The following PCDH9 variants were observed in gnomAD, a reference collection of about 807,000 sequenced individuals.
PCDH9 encodes the protein protocadherin 9.
In PCDH9, 24 loss-of-function variants were observed where a neutral mutation model predicts 70.6. The ratio of observed to expected loss-of-function variants is 0.34; its 90% CI spans 0.25 to 0.48. The LOEUF (loss-of-function observed/expected upper bound fraction) is 0.48. PCDH9 is among the 20% of genes least tolerant of loss of function. The pLI is 0.99. For missense variants in PCDH9, 1,281 were observed against 1,503.6 expected (o/e 0.85, Z 2.45); for synonymous variants, 562 against 558.5 (o/e 1.01, Z -0.09).
chr13:66,897,179 G>A (rs1396754034), intron 3 of PCDH9, among the ~76,000 whole-genome samples: 2 of 151,354 alleles, frequency 1.3e-5, no homozygotes, highest in Admixed American at 6.6e-5. Flanking sequence ...GTTGCCTCTG[G>A]TATACTTGCT....
intron 2 of PCDH9, among the ~76,000 whole-genome samples, chr13:67,034,275 G>T (rs155016): frequency 0.41 from 61,719 of 151,988 alleles, 12,920 homozygotes; most frequent in East Asian, 0.64. Context: ...GAGCCACCGT[G>T]CCCAGCCAGG....
At chr13:67,097,524 A>C (rs937342759) in intron 2 of PCDH9, among the ~76,000 whole-genome samples, 3 of 152,176 alleles carry the variant, frequency 2.0e-5, no homozygotes, top group African/African-American at 7.2e-5. Context: ...TTACCATTAG[A>C]AACAAGGGAC....
At chr13:66,617,296 C>T (rs780464787) in intron 4 of PCDH9, among the ~76,000 whole-genome samples, 5 of 152,104 alleles carry the variant, frequency 3.3e-5, no homozygotes, top group Admixed American at 1.3e-4. Flanking sequence ...TCACATACCC[C>T]GGTATCTGGT....
intron 2 of PCDH9, among the ~76,000 whole-genome samples, chr13:67,072,626 T>A (rs895974074): frequency 2.6e-5 from 4 of 152,118 alleles, no homozygotes; most frequent in African/African-American, 9.7e-5. Flanking sequence ...TTCCTACACT[T>A]AATCTATATG....
intron 3 of PCDH9, among the ~76,000 whole-genome samples, chr13:66,758,747 A>C (rs1375064746): frequency 2.0e-5 from 3 of 152,076 alleles, no homozygotes; most frequent in Non-Finnish European, 4.4e-5. Flanking sequence ...ATGCCGTCAA[A>C]TTCTGAGCTT....
chr13:66,313,868 T>C (rs1303703984), intron 4 of PCDH9, among the ~76,000 whole-genome samples: 1 of 152,172 alleles, frequency 6.6e-6, no homozygotes, highest in Non-Finnish European at 1.5e-5. Context: ...CTTTGCTAAA[T>C]TAATAAGGAT....
intron 2 of PCDH9, among the ~76,000 whole-genome samples, chr13:67,047,983 T>A (rs113207402): frequency 8.7e-4 from 133 of 152,314 alleles, no homozygotes; most frequent in Non-Finnish European, 1.0e-3. Context: ...AAGAAAAGGC[T>A]GTTTCTGATA....
intron 3 of PCDH9, among the ~76,000 whole-genome samples, chr13:66,822,147 C>T (rs2080723103): frequency 6.6e-6 from 1 of 151,510 alleles, no homozygotes; most frequent in African/African-American, 2.4e-5. Flanking sequence ...CACACACACA[C>T]ACACACACAC....
chr13:67,110,372 G>A (rs765895096), intron 2 of PCDH9, among the ~76,000 whole-genome samples: 3 of 117,156 alleles, frequency 2.6e-5, no homozygotes, highest in African/African-American at 6.7e-5. Flanking sequence ...AAAATTAGCC[G>A]GGGTGGCAGC....
chr13:67,227,603 C>G lies in PCDH9; in HGVS notation c.838G>C (p.Asp280His), dbSNP rs959748851. ...CGGATTTCAGCATTACTGCCTATAT[C>G]TGCATCAGTGGCATGGAGCTGAATT... The part of the protein sequence containing the change: ...SVIQLHATDA[D>H]IGSNAEIRYI... The change falls in exon 2 of 5, where the codon GAT becomes CAT. Residue 280 changes from aspartate to histidine, a missense_variant. Coordinates refer to ENST00000377865, the MANE Select transcript of PCDH9 (RefSeq NM_203487.3). The surrounding 1 kb of genome is among the most constrained non-coding windows in gnomAD (Gnocchi z 4.6). 6.2e-7 allele frequency: 1 copy of G among 1,613,986 alleles called. No individual in the cohort carries two copies.
At chr13:66,871,844 T>A (rs1464763758) in intron 3 of PCDH9, among the ~76,000 whole-genome samples, 2 of 151,802 alleles carry the variant, frequency 1.3e-5, no homozygotes, top group Non-Finnish European at 2.9e-5. Context: ...CCCCTCAACA[T>A]TTCTTATTCT....
At chr13:66,339,416 A>G (rs534869600) in intron 4 of PCDH9, among the ~76,000 whole-genome samples, 2 of 151,992 alleles carry the variant, frequency 1.3e-5, no homozygotes, top group Non-Finnish European at 2.9e-5. Flanking sequence ...GTCTTTCTAC[A>G]CCTCTTTTGA....
intron 3 of PCDH9, among the ~76,000 whole-genome samples, chr13:66,838,328 G>A (rs963030854): frequency 4.0e-5 from 6 of 151,610 alleles, no homozygotes; most frequent in African/African-American, 1.5e-4. Context: ...ATTTGCAGGA[G>A]TATTTTTATT....
chr13:67,041,830 CAAAAAAAA>C (rs61557179), intron 2 of PCDH9, among the ~76,000 whole-genome samples: 4 of 109,848 alleles, frequency 3.6e-5, no homozygotes, highest in African/African-American at 1.4e-4. Context: ...GACTCTGTCT[CAAAAAAAA>C]AAAAAAAAAG....
At chr13:66,341,850 C>T (rs546497169) in intron 4 of PCDH9, among the ~76,000 whole-genome samples, 16 of 152,216 alleles carry the variant, frequency 1.1e-4, no homozygotes, top group Non-Finnish European at 1.5e-4. Context: ...TGTCTCACTG[C>T]GCTCAAGGGA....
At chr13:66,689,637 G>A (rs986285804) in intron 3 of PCDH9, among the ~76,000 whole-genome samples, 1 of 152,080 alleles carries the variant, frequency 6.6e-6, no homozygotes, top group African/African-American at 2.4e-5. Flanking sequence ...CATTGACAGA[G>A]CCTACAGCTA....
chr13:66,824,029 G>T (rs1393939243), intron 3 of PCDH9, among the ~76,000 whole-genome samples: 2 of 151,696 alleles, frequency 1.3e-5, no homozygotes, highest in Non-Finnish European at 2.9e-5. Context: ...TTGTTTTATA[G>T]AGCCCTACTT....
At chr13:66,573,979 A>G (rs1231356652) in intron 4 of PCDH9, among the ~76,000 whole-genome samples, 1 of 152,136 alleles carries the variant, frequency 6.6e-6, no homozygotes, top group Non-Finnish European at 1.5e-5. Context: ...TAGTAGGTCC[A>G]TAAAATCCCT....
chr13:67,190,362 A>G (rs1329721286), intron 2 of PCDH9, among the ~76,000 whole-genome samples: 1 of 152,034 alleles, frequency 6.6e-6, no homozygotes. Context: ...TGTATGAATC[A>G]TTGTAGGGCT....
Sources: gnomAD v4.1 joint callset for allele counts (sites outside exome capture counted in the v4.1 genomes callset) on GRCh38, gnomAD v4.1.1 for gene constraint, Gnocchi (gnomAD v3.1) non-coding constraint, MANE v1.5 for transcripts, NCBI Gene and HGNC (gene_info 2026-07-23, HGNC 2026-07-21) for gene names.